RNF38: variants seen among roughly 807,000 people sequenced by gnomAD.
The protein encoded by RNF38 is ring finger protein 38.
In RNF38, 15 loss-of-function variants were observed where a neutral mutation model predicts 67.2. The observed-to-expected ratio is 0.22, with a 90% CI of 0.15 to 0.34. The LOEUF (loss-of-function observed/expected upper bound fraction) is 0.34. RNF38 is among the 10% of genes least tolerant of loss of function. The pLI, the probability that RNF38 is intolerant of heterozygous loss-of-function variation, is 1.00. For missense variants in RNF38, 524 were observed against 639.9 expected (o/e 0.82, Z 1.95); for synonymous variants, 220 against 218.8 (o/e 1.01, Z -0.05).
rs1834759969 is a variant in RNF38 at position 36,364,068 on chromosome 9, G to T, written c.570+5651C>A. Reference sequence around the variant, plus strand: ...CTGGCTCGAACTCTTGACCTCAAGGGATCTGCCCACTTCAGCCTCCCAAAG... The same window carrying T: ...CTGGCTCGAACTCTTGACCTCAAGGTATCTGCCCACTTCAGCCTCCCAAAG... On this transcript the variant is annotated intron_variant, in intron 4 of 11. Transcript: ENST00000259605. 1.6e-5 allele frequency among the ~76,000 whole-genome samples: 2 copies of T among 126,834 alleles called. 1 individual carries two copies. Among genetic ancestry groups the T allele is most frequent in the Non-Finnish European group, 3.6e-5 (2 of 55,914 alleles). The allele number at this position is 126,834 out of a possible 152,430, so 83.2% of individuals were successfully genotyped here.
intron 9 of RNF38, among the ~76,000 whole-genome samples, chr9:36,347,660 G>A (rs988437825): frequency 9.2e-5 from 14 of 152,134 alleles, no homozygotes; most frequent in African/African-American, 2.7e-4. Context: ...ATCTCTCTCC[G>A]TCTCCTGCGG....
chr9:36,379,770 CAA>C (rs1333636420), intron 2 of RNF38, among the ~76,000 whole-genome samples: 1 of 152,044 alleles, frequency 6.6e-6, no homozygotes, highest in Admixed American at 6.6e-5. Flanking sequence ...TAAATAGAAT[CAA>C]AATATATGAC....
intron 2 of RNF38, among the ~76,000 whole-genome samples, chr9:36,386,307 T>C (rs1265179607): frequency 6.6e-6 from 1 of 152,226 alleles, no homozygotes; most frequent in Non-Finnish European, 1.5e-5. Flanking sequence ...TAATCTTCCA[T>C]ATGAATTTAA....
intron 4 of RNF38, among the ~76,000 whole-genome samples, chr9:36,359,650 A>C (rs1834375209): frequency 6.6e-6 from 1 of 152,156 alleles, no homozygotes; most frequent in African/African-American, 2.4e-5. Flanking sequence ...CTTACGTATA[A>C]AATCAATTTT....
At chr9:36,433,520 A>C (rs1017628127) in intron 1 of RNF38, among the ~76,000 whole-genome samples, 2 of 151,936 alleles carry the variant, frequency 1.3e-5, no homozygotes, top group Non-Finnish European at 2.9e-5. Flanking sequence ...CGGGCAGATC[A>C]CTTGAGGTCA....
intron 1 of RNF38, among the ~76,000 whole-genome samples, chr9:36,486,524 A>G (rs535636012): frequency 6.6e-6 from 1 of 152,230 alleles, no homozygotes; most frequent in East Asian, 1.9e-4. Context: ...CGGGCCATTT[A>G]CTGAAAAAAG....
chr9:36,382,221 T>C (rs1431454172), intron 2 of RNF38, among the ~76,000 whole-genome samples: 1 of 152,198 alleles, frequency 6.6e-6, no homozygotes, highest in Non-Finnish European at 1.5e-5. Flanking sequence ...ACAAGTACTG[T>C]CTCTATTATT....
intron 5 of RNF38, among the ~76,000 whole-genome samples, 165 bp from the exon 6 acceptor site, chr9:36,356,638 CTAGTA>C (rs1249592944): frequency 1.3e-5 from 2 of 150,176 alleles, no homozygotes; most frequent in Admixed American, 6.8e-5. Flanking sequence ...TTTTAATCTA[CTAGTA>C]AAGTAATGGT....
intron 1 of RNF38, among the ~76,000 whole-genome samples, chr9:36,430,792 T>G (rs1587125108): frequency 6.6e-6 from 1 of 151,238 alleles, no homozygotes; most frequent in African/African-American, 2.4e-5. Context: ...TGAGGAGAGA[T>G]AAAGAGAATT....
intron 2 of RNF38, among the ~76,000 whole-genome samples, chr9:36,418,638 T>C (rs1287167964): frequency 6.6e-6 from 1 of 151,672 alleles, no homozygotes; most frequent in African/African-American, 2.4e-5. Flanking sequence ...ATACAAAAAT[T>C]AGCCAAATGT....
intron 3 of RNF38, among the ~76,000 whole-genome samples, 173 bp from the exon 4 acceptor site, chr9:36,370,105 T>G (rs775040880): frequency 3.3e-5 from 5 of 152,220 alleles, no homozygotes; most frequent in Non-Finnish European, 7.3e-5. Flanking sequence ...ACAAGGTATA[T>G]GTTTTATACA....
chr9:36,419,817 G>A (rs1305990047), intron 2 of RNF38, among the ~76,000 whole-genome samples: 1 of 152,166 alleles, frequency 6.6e-6, no homozygotes, highest in Non-Finnish European at 1.5e-5. Context: ...GTGCGACCCT[G>A]TCACAAACAA....
intron 1 of RNF38, among the ~76,000 whole-genome samples, chr9:36,476,510 T>C (rs1051577917): frequency 1.4e-5 from 2 of 147,608 alleles, no homozygotes; most frequent in Non-Finnish European, 1.5e-5. Context: ...TAATGGACTA[T>C]CGGGCAATCT....
chr9:36,439,751 A>C lies in RNF38; in HGVS notation n.242-15068T>G, dbSNP rs926349993. Among the ~76,000 whole-genome samples, 14 of 148,130 alleles carry C rather than the reference A, an allele frequency of 9.5e-5. 1 individual carries two copies. The highest frequency in any genetic ancestry group is 3.5e-4 in the African/African-American group (14 of 40,064). Reference sequence around the variant, plus strand: ...GGTTGTAGTGAGCCGAGATTATATCACTGTACTCCAGCCTGGGCAGCACAG... The same window carrying C: ...GGTTGTAGTGAGCCGAGATTATATCCCTGTACTCCAGCCTGGGCAGCACAG... On this transcript the variant is annotated intron_variant and non_coding_transcript_variant, in intron 1 of 3. Transcript: ENST00000488058.
chr9:36,347,787 A>G (rs1833384331), intron 9 of RNF38, among the ~76,000 whole-genome samples: 1 of 152,330 alleles, frequency 6.6e-6, no homozygotes, highest in Admixed American at 6.5e-5. Flanking sequence ...TAAAAACTAG[A>G]AATGATTAGG....
At chr9:36,454,580 CTTTTTTTT>C (rs377679133) in intron 1 of RNF38, among the ~76,000 whole-genome samples, 11 of 112,456 alleles carry the variant, frequency 9.8e-5, no homozygotes, top group Admixed American at 5.5e-4. Context: ...CATTAATTTA[CTTTTTTTT>C]TTTTTTTTTT....
intron 2 of RNF38, among the ~76,000 whole-genome samples, chr9:36,420,531 C>CAAAAAAAAAAAAAAAAAAAAAAAAAAAAA (rs1447823341): frequency 3.5e-5 from 1 of 28,974 alleles, no homozygotes; most frequent in Non-Finnish European, 1.1e-4. Context: ...GACTCTGTCT[C>CAAAAAAAAAAAAAAAAAAAAAAAAAAAAA]CAAAAAAAAA....
chr9:36,483,150 G>A (rs1186788797), intron 1 of RNF38, among the ~76,000 whole-genome samples: 1 of 152,162 alleles, frequency 6.6e-6, no homozygotes, highest in African/African-American at 2.4e-5. Flanking sequence ...ACTTTGGAAG[G>A]CCGAGGCAGG....
chr9:36,464,091 G>A (rs955579832), intron 1 of RNF38, among the ~76,000 whole-genome samples: 4 of 151,996 alleles, frequency 2.6e-5, no homozygotes, highest in African/African-American at 9.7e-5. Flanking sequence ...GTGAACCCGG[G>A]AGGTGGAGAT....
Sources: gnomAD v4.1 joint callset for allele counts (sites outside exome capture counted in the v4.1 genomes callset) on GRCh38, gnomAD v4.1.1 for gene constraint, MANE v1.5 for transcripts, NCBI Gene and HGNC (gene_info 2026-07-23, HGNC 2026-07-21) for gene names.